Variants in KCNJ6 observed in about 807,000 individuals in gnomAD.
KCNJ6 encodes G protein-activated inward rectifier potassium channel 2.
In KCNJ6, 9 loss-of-function variants were observed where a neutral mutation model predicts 34.2. The observed-to-expected ratio is 0.26, with a 90% confidence interval of 0.16 to 0.46. The LOEUF (loss-of-function observed/expected upper bound fraction) is 0.46, where lower values mean the gene tolerates loss of function less well. Among genes scored for constraint, KCNJ6 ranks in the 20% least tolerant of loss-of-function variants. The probability of loss-of-function intolerance (pLI) is 1.00; values close to 1 mark genes in which losing one functional copy is unlikely to be tolerated. For synonymous variants in KCNJ6, 196 were observed against 207.1 expected, an observed-to-expected ratio of 0.95 and a Z score of 0.46; for missense variants, 236 against 531.3, an observed-to-expected ratio of 0.44 and a Z score of 5.46.
At chr21:37,851,796 T>C (rs1475534902) in intron 1 of KCNJ6, among the ~76,000 whole-genome samples, 1 of 151,998 alleles carries the variant, frequency 6.6e-6, no homozygotes, top group Non-Finnish European at 1.5e-5. Flanking sequence ...CTGGACAATA[T>C]ATATGACAAA....
In KCNJ6 at chr21:37,818,741, A is replaced by G. The variant is rs16995526; in HGVS notation, c.25+21917T>C. Among the ~76,000 whole-genome samples, 1,299 of 152,316 alleles carry G rather than the reference A, an allele frequency of 8.5e-3. 11 individuals carry two copies. Among genetic ancestry groups the G allele is most frequent in the African/African-American group, 0.025 (1,034 of 41,568 alleles). ...AAGTGACTTCAGGAGAAATATTCCT[A>G]ATGTTTTTGGTTGATTTTTCACCTT... is the stretch of plus-strand genomic sequence containing the variant. On this transcript the variant is annotated intron_variant, in intron 2 of 3. Coordinates refer to ENST00000609713, the MANE Select transcript of KCNJ6 (RefSeq NM_002240.5).
chr21:37,846,555 G>C (rs982269457), intron 1 of KCNJ6, among the ~76,000 whole-genome samples: 8 of 152,010 alleles, frequency 5.3e-5, no homozygotes, highest in African/African-American at 1.9e-4. Context: ...TTTCGGTGGT[G>C]CTGCCTTGCT....
chr21:37,729,334 T>TG (rs57813800), intron 2 of KCNJ6, among the ~76,000 whole-genome samples: 2,524 of 132,112 alleles, frequency 0.019, 35 homozygotes, highest in Middle Eastern at 0.051. Flanking sequence ...TTCTTCTTTT[T>TG]GGGGGGGGGG....
Position 37,612,804 on chromosome 21 carries a change from G to A in KCNJ6, c.*12355C>T, listed in dbSNP as rs79531463. 6.7e-6 allele frequency: 1 copy of A among 148,338 alleles called. No individual in the cohort carries two copies. Among genetic ancestry groups the A allele is most frequent in the South Asian group, 2.1e-4 (1 of 4,724 alleles). 9.2% of individuals were successfully genotyped at this position (148,338 alleles called of 1,614,324 possible). On this transcript the variant is annotated 3_prime_UTR_variant, in exon 4 of 4. Coordinates refer to ENST00000609713, the MANE Select transcript of KCNJ6 (RefSeq NM_002240.5). ...AAAAATTAACTCAAAATCGGTCACA[G>A]ATCTAATGTAAAATGCAAAACTATA...
intron 3 of KCNJ6, among the ~76,000 whole-genome samples, chr21:37,693,845 C>T (rs1020831717): frequency 6.6e-6 from 1 of 152,160 alleles, no homozygotes; most frequent in Non-Finnish European, 1.5e-5. Flanking sequence ...CTTCCCTCAA[C>T]CTGAACTCAT....
At chr21:37,729,417 G>A (rs2123465857) in intron 2 of KCNJ6, among the ~76,000 whole-genome samples, 1 of 152,128 alleles carries the variant, frequency 6.6e-6, no homozygotes, top group East Asian at 1.9e-4. Flanking sequence ...TCAACCTTCT[G>A]GGCCCAAGCA....
intron 2 of KCNJ6, among the ~76,000 whole-genome samples, chr21:37,827,086 A>G (rs1276199569): frequency 6.6e-6 from 1 of 152,212 alleles, no homozygotes; most frequent in African/African-American, 2.4e-5. Context: ...TATGAGAGCT[A>G]TAACCTGAAT....
intron 2 of KCNJ6, among the ~76,000 whole-genome samples, chr21:37,808,988 C>A (rs960516895): frequency 2.6e-5 from 4 of 152,230 alleles, no homozygotes; most frequent in African/African-American, 4.8e-5. Flanking sequence ...TCTGAGAAAA[C>A]TAGAAATACC....
chr21:37,638,048 G>T (rs951895220), intron 3 of KCNJ6, among the ~76,000 whole-genome samples: 1 of 152,194 alleles, frequency 6.6e-6, no homozygotes, highest in Non-Finnish European at 1.5e-5. Context: ...GTGGGGTGAG[G>T]GTTCTCATTT....
At chr21:37,657,684 T>G (rs1266945142) in intron 3 of KCNJ6, among the ~76,000 whole-genome samples, 1 of 152,184 alleles carries the variant, frequency 6.6e-6, no homozygotes, top group Non-Finnish European at 1.5e-5. Context: ...CTGGACTCAG[T>G]GAAAATCAGT....
At chr21:37,804,224 CATT>C (rs1568854638) in intron 2 of KCNJ6, among the ~76,000 whole-genome samples, 1 of 152,086 alleles carries the variant, frequency 6.6e-6, no homozygotes. Context: ...TTGCAACACT[CATT>C]GTTTGTAGGA....
chr21:37,846,983 TTC>T (rs1424876236), intron 1 of KCNJ6, among the ~76,000 whole-genome samples: 1 of 152,294 alleles, frequency 6.6e-6, no homozygotes, highest in East Asian at 1.9e-4. Context: ...CAAGTGAGTG[TTC>T]TCTTAGTACA....
chr21:37,906,378 C>T (rs1204253921), intron 1 of KCNJ6, among the ~76,000 whole-genome samples: 18 of 152,136 alleles, frequency 1.2e-4, no homozygotes, highest in Admixed American at 1.2e-3. Flanking sequence ...AGGTCTCTAT[C>T]GTGGGAAGAA....
chr21:37,743,770 C>A (rs7281804), intron 2 of KCNJ6, among the ~76,000 whole-genome samples: 86,093 of 150,830 alleles, frequency 0.57, 24,942 homozygotes, highest in African/African-American at 0.67. Flanking sequence ...GCTAAAAAAA[C>A]AAAGACTATG....
chr21:37,818,587 T>C (rs2055358990), intron 2 of KCNJ6, among the ~76,000 whole-genome samples: 1 of 152,164 alleles, frequency 6.6e-6, no homozygotes, highest in African/African-American at 2.4e-5. Flanking sequence ...ACGATGCAAT[T>C]TAAAATGATA....
intron 1 of KCNJ6, among the ~76,000 whole-genome samples, chr21:37,898,985 A>G (rs2055803365): frequency 6.6e-6 from 1 of 152,258 alleles, no homozygotes; most frequent in South Asian, 2.1e-4. Flanking sequence ...TGCTTTAACA[A>G]GAAAATATTA....
chr21:37,648,899 A>G (rs2054417986), intron 3 of KCNJ6, among the ~76,000 whole-genome samples: 1 of 152,126 alleles, frequency 6.6e-6, no homozygotes, highest in African/African-American at 2.4e-5. Flanking sequence ...CGGGAGGCTA[A>G]GGCGGGCAGA....
intron 3 of KCNJ6, among the ~76,000 whole-genome samples, chr21:37,655,968 G>C (rs2054461917): frequency 6.6e-6 from 1 of 152,204 alleles, no homozygotes. Flanking sequence ...GCATAGGAGA[G>C]AGCGTGTGAC....
In KCNJ6 at chr21:37,622,694, G is replaced by C. The variant is rs975035414; in HGVS notation, c.*2465C>G. ...AGACACAGAACTGACAGGTGCACGT[G>C]GCCAACGTGTTGTCAAGGCTCTTCG... On this transcript the variant is annotated 3_prime_UTR_variant, in exon 4 of 4. Transcript: ENST00000609713. 6 of 152,158 alleles carry C rather than the reference G, an allele frequency of 3.9e-5. No homozygotes were observed. The highest frequency in any genetic ancestry group is 1.4e-4 in the African/African-American group (6 of 41,426). The allele number at this position is 152,158 out of a possible 1,614,324, so 9.4% of individuals were successfully genotyped here. A position where few individuals can be genotyped will look rare whatever the true frequency, so the allele number is the denominator to read the frequency against.
Sources: gnomAD v4.1 joint callset for allele counts (sites outside exome capture counted in the v4.1 genomes callset) on GRCh38, gnomAD v4.1.1 for gene constraint, MANE v1.5 for transcripts, NCBI Gene and HGNC (gene_info 2026-07-23, HGNC 2026-07-21) for gene names.